The following WDR17 variants were observed in gnomAD, a reference collection of about 807,000 sequenced individuals.
WDR17 encodes the protein WD repeat domain 17, also known as WD repeat-containing protein 17.
WDR17 carries 143 observed loss-of-function variants against 161.7 expected under a neutral mutation model. The observed-to-expected ratio is 0.88, with a 90% CI of 0.77 to 1.02. The LOEUF is 1.02. WDR17 is among the 50% of genes least tolerant of loss of function. The pLI is 0.00. For synonymous variants in WDR17, 517 were observed against 515.6 expected (o/e 1.00, Z -0.04); for missense variants, 1,469 against 1,520.9 (o/e 0.97, Z 0.57).
At position 176,092,770 on chromosome 4, in the gene WDR17, G is replaced by A. The variant is rs144634148; in HGVS notation, c.-6-18805G>A. On this transcript the variant is annotated intron_variant, in intron 1 of 28. Transcript: ENST00000508596. ...TGAAAAGGAAATCAAGGCTTGATGC[G>A]GTGGCTCACGTCTGTAATCTCAGCA... 8.1e-3 allele frequency among the ~76,000 whole-genome samples: 1,232 copies of A among 152,266 alleles called. 19 individuals carry two copies. The highest frequency in any genetic ancestry group is 0.028 in the African/African-American group (1,170 of 41,550).
intron 20 of WDR17, among the ~76,000 whole-genome samples, chr4:176,161,813 A>G (rs958013862): frequency 6.6e-6 from 1 of 152,218 alleles, no homozygotes; most frequent in Non-Finnish European, 1.5e-5. Context: ...TGAATCATAA[A>G]TTGTCCAATG....
chr4:176,125,417 G>C, intron 5 of WDR17, 62 bp downstream of exon 5: 1 of 1,554,392 alleles, frequency 6.4e-7, no homozygotes, highest in South Asian at 1.2e-5. Flanking sequence ...GTTGAATTTA[G>C]GAAATTGTCC....
rs1745326507 is a variant in WDR17, at chr4:176,141,882, C to T, written c.1443-101C>T. The T allele has an allele frequency of 7.5e-6, 7 of 934,726 alleles. No homozygotes were observed. The South Asian group carries it at 1.5e-4, about 20-fold the overall frequency. 57.9% of individuals were successfully genotyped at this position (934,726 alleles called of 1,614,324 possible). A position where few individuals can be genotyped will look rare whatever the true frequency, so the allele number is the denominator to read the frequency against. ...TTTGCTTTGTAGACAAAATCTCTAT[C>T]CTGGAATATTTCTATTTGAAATTTA... is the stretch of plus-strand genomic sequence containing the variant. On this transcript the variant is annotated intron_variant, in intron 10 of 28. Coordinates refer to ENST00000508596, the MANE Select transcript of WDR17 (RefSeq NM_181265.4).
chr4:176,102,048 A>G (rs997769686), intron 1 of WDR17, among the ~76,000 whole-genome samples: 44 of 152,290 alleles, frequency 2.9e-4, no homozygotes, highest in Non-Finnish European at 5.1e-4. Flanking sequence ...AAAATCTTCA[A>G]TTTTTACAAT....
chr4:176,100,321 T>C lies in WDR17; in HGVS notation c.-6-11254T>C, dbSNP rs560552494. Among the ~76,000 whole-genome samples, 4 of 152,328 alleles carry C rather than the reference T, an allele frequency of 2.6e-5. No individual in the cohort carries two copies. The South Asian group carries it at 8.3e-4, about 32-fold the overall frequency. ...TCATTGTAGTTTTAATTTGCATTTC[T>C]CTGATGATCAGTGATGTTGAGCATT... On this transcript the variant is annotated intron_variant, in intron 1 of 28. Coordinates refer to ENST00000508596, the MANE Select transcript of WDR17 (RefSeq NM_181265.4).
intron 1 of WDR17, chr4:176,098,133 A>G (rs1395387286): frequency 1.3e-5 from 2 of 159,686 alleles, no homozygotes; most frequent in African/African-American, 2.4e-5. Context: ...ATGAATATTG[A>G]CCTTAATTTC....
At chr4:176,074,542 G>A (rs1733707009) in intron 1 of WDR17, among the ~76,000 whole-genome samples, 1 of 151,836 alleles carries the variant, frequency 6.6e-6, no homozygotes, top group Admixed American at 6.6e-5. Flanking sequence ...CTGCAGCCTC[G>A]ATTTCCTGGG....
At chr4:176,123,438 C>T (rs751078676) in intron 4 of WDR17, among the ~76,000 whole-genome samples, 2 of 152,156 alleles carry the variant, frequency 1.3e-5, no homozygotes, top group Non-Finnish European at 2.9e-5. Context: ...TTACTGTCCT[C>T]TCTTCTGATG....
chr4:176,096,647 A>G, intron 1 of WDR17: 7 of 1,330,234 alleles, frequency 5.3e-6, no homozygotes, highest in South Asian at 2.6e-5. Flanking sequence ...TGCTTCTCAT[A>G]TAGTTTTATA....
At chr4:176,156,587 C>T (rs1748160913) in intron 18 of WDR17, among the ~76,000 whole-genome samples, 1 of 151,614 alleles carries the variant, frequency 6.6e-6, no homozygotes, top group African/African-American at 2.4e-5. Context: ...AGGGTCTGAC[C>T]ACTGAGGAAA....
chr4:176,174,285 C>T (rs985713065), intron 25 of WDR17, among the ~76,000 whole-genome samples: 6 of 152,066 alleles, frequency 3.9e-5, no homozygotes, highest in African/African-American at 1.4e-4. Flanking sequence ...TGAGTCTACA[C>T]GGTATTCCAG....
At chr4:176,159,334 G>GAGAGAA (rs1561197718) in intron 18 of WDR17, among the ~76,000 whole-genome samples, 1 of 150,188 alleles carries the variant, frequency 6.7e-6, no homozygotes, top group African/African-American at 2.5e-5. Flanking sequence ...GAGAGAGAGA[G>GAGAGAA]AAAGGGAGAG....
At chr4:176,158,286 G>A (rs901611776) in intron 18 of WDR17, among the ~76,000 whole-genome samples, 5 of 152,172 alleles carry the variant, frequency 3.3e-5, no homozygotes, top group Admixed American at 2.0e-4. Context: ...TAGCGTGGAC[G>A]CCATATGTAG....
intron 23 of WDR17, among the ~76,000 whole-genome samples, chr4:176,171,574 A>G (rs1005565118): frequency 6.6e-6 from 1 of 152,204 alleles, no homozygotes; most frequent in Non-Finnish European, 1.5e-5. Context: ...GATTAAATGA[A>G]TGTATTAATA....
chr4:176,110,405 C>T (rs917794910), intron 1 of WDR17, among the ~76,000 whole-genome samples: 23 of 152,278 alleles, frequency 1.5e-4, no homozygotes, highest in African/African-American at 4.8e-4. Flanking sequence ...GGATTACAGG[C>T]GTGAGCCACC....
At chr4:176,108,879 TC>T (rs530649289) in intron 1 of WDR17, among the ~76,000 whole-genome samples, 35 of 152,168 alleles carry the variant, frequency 2.3e-4, no homozygotes, top group Non-Finnish European at 4.3e-4. Context: ...AACATGCACC[TC>T]CCAGGCTCAA....
At chr4:176,162,789 G>A (rs1016920140) in intron 21 of WDR17, among the ~76,000 whole-genome samples, 2 of 152,060 alleles carry the variant, frequency 1.3e-5, no homozygotes, top group Non-Finnish European at 2.9e-5. Context: ...TTTAGGAAAT[G>A]ATAGATAACT....
At chr4:176,132,638 T>A (rs1452463284) in intron 7 of WDR17, among the ~76,000 whole-genome samples, 2 of 152,066 alleles carry the variant, frequency 1.3e-5, no homozygotes, top group African/African-American at 2.4e-5. Context: ...AAAATATTTT[T>A]AAAATAATCT....
intron 1 of WDR17, among the ~76,000 whole-genome samples, chr4:176,097,973 G>A (rs1047713896): frequency 6.6e-6 from 1 of 151,912 alleles, no homozygotes; most frequent in Non-Finnish European, 1.5e-5. Flanking sequence ...TACTAAAAGT[G>A]TAGCTGTTGT....
Sources: allele counts gnomAD v4.1 joint callset (sites outside exome capture counted in the v4.1 genomes callset), GRCh38; gene constraint gnomAD v4.1.1; transcripts MANE v1.5; gene names NCBI Gene and HGNC (gene_info 2026-07-23, HGNC 2026-07-21).